The following ME1 variants were observed in gnomAD, a reference collection of about 807,000 sequenced individuals.
The protein encoded by ME1 is malic enzyme 1, also known as NADP-dependent malic enzyme.
ME1 carries 74 observed loss-of-function variants against 66.4 expected under a neutral mutation model. The observed-to-expected ratio is 1.11, with a 90% CI of 0.92 to 1.35. ME1 has a LOEUF of 1.35. ME1 is among the 40% of genes most tolerant of loss of function. The pLI is 0.00. For missense variants in ME1, 750 were observed against 694.1 expected, an observed-to-expected ratio of 1.08 and a Z score of -0.90; for synonymous variants, 251 against 235.6, an observed-to-expected ratio of 1.07 and a Z score of -0.60.
intron 3 of ME1, among the ~76,000 whole-genome samples, chr6:83,379,640 T>C (rs189154538): frequency 3.3e-5 from 5 of 152,212 alleles, no homozygotes; most frequent in African/African-American, 1.2e-4. Context: ...AATCCAGTTC[T>C]TAAAATTATT....
chr6:83,348,984 C>CAA (rs71545855), intron 4 of ME1, among the ~76,000 whole-genome samples: 46 of 47,122 alleles, frequency 9.8e-4, no homozygotes, highest in East Asian at 5.1e-3. Context: ...AACTCTGTCT[C>CAA]AAAAAAAAAA....
intron 6 of ME1, among the ~76,000 whole-genome samples, chr6:83,268,728 G>GTTATTATTATTATTA (rs57723634): frequency 0.015 from 2,117 of 143,764 alleles, 45 homozygotes; most frequent in African/African-American, 0.044. Flanking sequence ...ACCATGCCCC[G>GTTATTATTATTATTA]TTATTATTAT....
intron 6 of ME1, among the ~76,000 whole-genome samples, chr6:83,261,740 G>A (rs1220545503): frequency 3.3e-5 from 5 of 152,016 alleles, no homozygotes; most frequent in African/African-American, 4.8e-5. Context: ...TAGGCCGGGC[G>A]CGGTGGCTCA....
In ME1 at chr6:83,223,909, T is replaced by C. The variant is rs1755357427; in HGVS notation, c.1300A>G (p.Ser434Gly). 2 of 1,613,816 alleles carry C rather than the reference T, an allele frequency of 1.2e-6. No individual in the cohort carries two copies. Among genetic ancestry groups the C allele is most frequent in the Non-Finnish European group, 1.7e-6 (2 of 1,179,944 alleles). The change falls in exon 12 of 14, where the codon AGT becomes GGT. Residue 434 changes from serine to glycine, a missense_variant. By Grantham distance (56) the Ser-to-Gly change is moderately conservative. Coordinates refer to ENST00000369705, the MANE Select transcript of ME1 (RefSeq NM_002395.6). ...TKGRAIFASGSPFDPVTLPNG... is the reference protein window; with the variant it reads ...TKGRAIFASGGPFDPVTLPNG... The stretch of plus-strand genomic sequence containing the variant: ...GGAAGAGTGACTGGATCAAAAGGAC[T>C]GCCACTGGCAAAAATTGCACGTCCC...
At chr6:83,259,973 T>C (rs1176327955) in intron 6 of ME1, among the ~76,000 whole-genome samples, 2 of 152,180 alleles carry the variant, frequency 1.3e-5, no homozygotes, top group African/African-American at 4.8e-5. Flanking sequence ...TAAATTTATA[T>C]CTCTGCTGCT....
At chr6:83,312,333 G>A (rs887386069) in intron 6 of ME1, among the ~76,000 whole-genome samples, 4 of 152,100 alleles carry the variant, frequency 2.6e-5, no homozygotes, top group Non-Finnish European at 5.9e-5. Flanking sequence ...CTCATAATAG[G>A]TCCACTGTCA....
At chr6:83,245,256 T>C (rs1383274353) in intron 7 of ME1, among the ~76,000 whole-genome samples, 1 of 152,072 alleles carries the variant, frequency 6.6e-6, no homozygotes, top group Non-Finnish European at 1.5e-5. Flanking sequence ...GCAATAATTT[T>C]AAGACTGAAA....
At chr6:83,222,311 C>T (rs1379283743) in intron 12 of ME1, among the ~76,000 whole-genome samples, 4 of 152,140 alleles carry the variant, frequency 2.6e-5, no homozygotes, top group Admixed American at 6.5e-5. Context: ...GACAGGAGAA[C>T]ATTATTGCTT....
At chr6:83,356,801 C>T (rs1768898840) in intron 3 of ME1, among the ~76,000 whole-genome samples, 1 of 152,126 alleles carries the variant, frequency 6.6e-6, no homozygotes, top group African/African-American at 2.4e-5. Context: ...CGCATCACTA[C>T]CAAATGATGT....
Position 83,430,974 on chromosome 6 carries a change from G to A in ME1, c.-20C>T, listed in dbSNP as rs754095086. 1 of 1,509,614 alleles carries A rather than the reference G, an allele frequency of 6.6e-7. No individual in the cohort carries two copies. Among genetic ancestry groups the A allele is most frequent in the Non-Finnish European group, 8.9e-7 (1 of 1,125,152 alleles). The allele number at this position is 1,509,614 out of a possible 1,614,324, so 93.5% of individuals were successfully genotyped here. On this transcript the variant is annotated 5_prime_UTR_variant, in exon 1 of 14. Transcript: ENST00000369705. ...CTCCATGGCTGGCGCCGGGTTCGGC[G>A]GCGGGGTCAGGCCGGGGCGGGCCGC...
intron 6 of ME1, among the ~76,000 whole-genome samples, chr6:83,277,689 G>T (rs1767208961): frequency 1.3e-5 from 2 of 152,086 alleles, no homozygotes; most frequent in African/African-American, 4.8e-5. Flanking sequence ...ATCACTTGAG[G>T]TCAGGAGTTC....
At position 83,368,088 on chromosome 6, in the gene ME1, T is replaced by G. The variant is rs1395054499; in HGVS notation, c.363-15949A>C. On this transcript the variant is annotated intron_variant, in intron 3 of 13. Transcript: ENST00000369705. ...GGCCCGAGAAAAGTGAGATGAGAAC[T>G]GCTGTCAGTGGGGCAGTTGGAAAAC... 3.3e-5 allele frequency among the ~76,000 whole-genome samples: 5 copies of G among 152,188 alleles called. No homozygotes were observed. The East Asian group carries it at 9.6e-4, about 29-fold the overall frequency.
At chr6:83,325,425 G>A (rs1378326346) in intron 5 of ME1, among the ~76,000 whole-genome samples, 3 of 152,124 alleles carry the variant, frequency 2.0e-5, no homozygotes, top group Non-Finnish European at 4.4e-5. Flanking sequence ...AAGTCAAATT[G>A]TCTCTCTTTG....
chr6:83,426,432 C>A (rs1770371771), intron 1 of ME1, among the ~76,000 whole-genome samples: 1 of 152,194 alleles, frequency 6.6e-6, no homozygotes, highest in Non-Finnish European at 1.5e-5. Flanking sequence ...AGGTACCTGG[C>A]TGTATATGAC....
At chr6:83,346,371 T>A in intron 4 of ME1, 37 bp from the exon 5 acceptor site, 1 of 1,496,388 alleles carries the variant, frequency 6.7e-7, no homozygotes. Flanking sequence ...TAACAAGTTT[T>A]CACAAATCCT....
chr6:83,224,813 T>C (rs892772181), intron 11 of ME1, among the ~76,000 whole-genome samples: 2 of 151,560 alleles, frequency 1.3e-5, no homozygotes, highest in Non-Finnish European at 2.9e-5. Context: ...GAAGATTAAG[T>C]TATCAATATT....
rs796174611 is a variant in ME1 at position 83,210,776 on chromosome 6, T to G, written c.*1148A>C. ...GCACCTTAGCTTTATAATTTAAAAT[T>G]TTTTCCATTACTTCAAACATTAGTT... On this transcript the variant is annotated 3_prime_UTR_variant, in exon 14 of 14. Coordinates refer to ENST00000369705, the MANE Select transcript of ME1 (RefSeq NM_002395.6). The G allele has an allele frequency of 7.2e-5, 11 of 152,322 alleles. No individual in the cohort carries two copies. The highest frequency in any genetic ancestry group is 2.6e-4 in the African/African-American group (11 of 41,572). The allele number at this position is 152,322 out of a possible 1,614,324, so 9.4% of individuals were successfully genotyped here. A position where few individuals can be genotyped will look rare whatever the true frequency, so the allele number is the denominator to read the frequency against.
At chr6:83,257,454 C>T (rs1272498173) in intron 6 of ME1, among the ~76,000 whole-genome samples, 8 of 152,002 alleles carry the variant, frequency 5.3e-5, no homozygotes, top group Admixed American at 3.9e-4. Flanking sequence ...TAAACAGCAA[C>T]GATATTGCAA....
At chr6:83,313,549 C>A (rs894783813) in intron 6 of ME1, among the ~76,000 whole-genome samples, 1 of 152,162 alleles carries the variant, frequency 6.6e-6, no homozygotes, top group East Asian at 1.9e-4. Flanking sequence ...AACTTGTTAG[C>A]AGCGTCTGTT....
Sources: gnomAD v4.1 joint callset for allele counts (sites outside exome capture counted in the v4.1 genomes callset) on GRCh38, gnomAD v4.1.1 for gene constraint, MANE v1.5 for transcripts, NCBI Gene and HGNC (gene_info 2026-07-23, HGNC 2026-07-21) for gene names.